UBXN8: variants seen among roughly 807,000 people sequenced by gnomAD.
The protein encoded by UBXN8 is UBX domain-containing protein 8.
In UBXN8, 27 loss-of-function variants were observed where a neutral mutation model predicts 32.1. That is an observed-to-expected ratio of 0.84 (90% CI 0.62 to 1.16). UBXN8 has a LOEUF of 1.16. Among genes scored for constraint, UBXN8 ranks in the 50% most tolerant of loss-of-function variants. UBXN8 has a pLI of 0.00. For missense variants in UBXN8, 306 were observed against 311.4 expected (o/e 0.98, Z 0.13); for synonymous variants, 109 against 111.8 (o/e 0.98, Z 0.16).
chr8:30,732,250 C>G (rs548473165), upstream of UBXN8: 28 of 394,740 alleles, frequency 7.1e-5, no homozygotes, highest in Admixed American at 9.7e-4. Flanking sequence ...CGTTGATGAC[C>G]TTTTGCTGGG....
chr8:30,757,534 A>G (rs1355995001), intron 5 of UBXN8, among the ~76,000 whole-genome samples: 2 of 151,512 alleles, frequency 1.3e-5, no homozygotes, highest in Non-Finnish European at 2.9e-5. Flanking sequence ...CCTGGACAAC[A>G]GTAGTGAAAC....
intron 1 of UBXN8, among the ~76,000 whole-genome samples, chr8:30,734,793 A>T (rs765141137): frequency 4.6e-5 from 7 of 152,028 alleles, no homozygotes; most frequent in Non-Finnish European, 1.0e-4. Context: ...AAAAATTAAA[A>T]ATTAGTCAGG....
In UBXN8 at chr8:30,759,018, C is replaced by T. The variant is rs576771911; in HGVS notation, c.529-1870C>T. Among the ~76,000 whole-genome samples, 19 of 150,858 alleles carry T rather than the reference C, an allele frequency of 1.3e-4. No homozygotes were observed. The South Asian group carries it at 2.9e-3, about 23-fold the overall frequency. ...ACGCCATTCTCCTGCCTCAGCCTCC[C>T]GGGTAGCTGGGACTACAGGTGCCCG... On this transcript the variant is annotated intron_variant, in intron 5 of 7. Coordinates refer to ENST00000265616, the MANE Select transcript of UBXN8 (RefSeq NM_005671.4).
Position 30,744,201 on chromosome 8 carries a change from T to G in UBXN8, c.12T>G (p.Arg4=), listed in dbSNP as rs922646372. The change falls in exon 1 of 8, where the codon CGT becomes CGG. Residue 4 remains arginine (R), a synonymous_variant. Coordinates refer to ENST00000265616, the MANE Select transcript of UBXN8 (RefSeq NM_005671.4). MAS[R]GVVGIFFLSA... is the part of the protein sequence containing the mutation. ...GCGCTTCCGCCACCATGGCTTCACG[T>G]GGGGTTGTTGGCATTTTCTTCCTCT... 1 of 1,613,516 alleles carries G rather than the reference T, an allele frequency of 6.2e-7. No homozygotes were observed. The highest frequency in any genetic ancestry group is 8.5e-7 in the Non-Finnish European group (1 of 1,179,742).
upstream of UBXN8, among the ~76,000 whole-genome samples, chr8:30,743,138 G>T (rs1384921649): frequency 6.8e-6 from 1 of 146,178 alleles, no homozygotes; most frequent in Non-Finnish European, 1.5e-5. Flanking sequence ...GCTTAGCCAG[G>T]AAATATAATT....
chr8:30,759,619 G>T (rs1805770357), intron 5 of UBXN8, among the ~76,000 whole-genome samples: 1 of 151,838 alleles, frequency 6.6e-6, no homozygotes, highest in South Asian at 2.1e-4. Context: ...GTTTCTGGCA[G>T]TCACCTAGGA....
intron 5 of UBXN8, among the ~76,000 whole-genome samples, chr8:30,760,439 A>ATATT (rs1554578893): frequency 1.6e-4 from 7 of 43,196 alleles, no homozygotes; most frequent in Non-Finnish European, 3.1e-4. Flanking sequence ...ATATATATAT[A>ATATT]TATATTTTTT....
chr8:30,739,951 G>C (rs114847362), upstream of UBXN8, among the ~76,000 whole-genome samples: 1 of 152,164 alleles, frequency 6.6e-6, no homozygotes, highest in South Asian at 2.1e-4. Flanking sequence ...GCCCAGGCTG[G>C]AGTGCAGTGT....
intron 3 of UBXN8, among the ~76,000 whole-genome samples, chr8:30,753,771 C>CTTTTTT (rs748807226): frequency 1.6e-5 from 2 of 122,630 alleles, no homozygotes; most frequent in African/African-American, 3.2e-5. Context: ...AGATATACCA[C>CTTTTTT]TTTTTTTTTT....
intron 5 of UBXN8, among the ~76,000 whole-genome samples, chr8:30,758,087 G>A (rs930223837): frequency 3.3e-5 from 5 of 151,764 alleles, no homozygotes; most frequent in Non-Finnish European, 7.4e-5. Flanking sequence ...TAGTAGAGAC[G>A]GGGTTTCACC....
intron 1 of UBXN8, among the ~76,000 whole-genome samples, chr8:30,744,955 C>T (rs1805326400): frequency 6.6e-6 from 1 of 152,130 alleles, no homozygotes; most frequent in Non-Finnish European, 1.5e-5. Context: ...ACACCAGGTG[C>T]TGGTTATTAT....
intron 1 of UBXN8, among the ~76,000 whole-genome samples, chr8:30,747,308 T>G (rs569842295): frequency 3.8e-3 from 14 of 3,664 alleles, no homozygotes; most frequent in Admixed American, 0.023. Flanking sequence ...CTCAGTGGTG[T>G]TTTTTTTTTT....
At chr8:30,742,527 T>A (rs546572642), upstream of UBXN8, among the ~76,000 whole-genome samples, 4 of 152,170 alleles carry the variant, frequency 2.6e-5, no homozygotes, top group South Asian at 6.2e-4. Context: ...TTTTTTTTTT[T>A]AGACAGGTTT....
At position 30,766,364 on chromosome 8, in the gene UBXN8, C is replaced by G; in HGVS notation, c.783C>G (p.Leu261=). 6.2e-7 allele frequency: 1 copy of G among 1,611,344 alleles called. No individual in the cohort carries two copies. ...EDIGITVDTV[L]ILEEKEQTN is the part of the protein sequence containing the mutation. ...TAGGAATAACTGTGGACACTGTACTCATCCTGGAGGAGAAGGAGCAGACCA... is the reference window on the plus strand; with the variant it reads ...TAGGAATAACTGTGGACACTGTACTGATCCTGGAGGAGAAGGAGCAGACCA... The change falls in exon 8 of 8, where the codon CTC becomes CTG. Residue 261 remains leucine, a synonymous_variant. Transcript: ENST00000265616.
rs747382935 is a variant in UBXN8 at position 30,760,907 on chromosome 8, A to G, written c.548A>G (p.Glu183Gly). 1.3e-6 allele frequency: 2 copies of G among 1,537,122 alleles called. No homozygotes were observed. The highest frequency in any genetic ancestry group is 4.4e-5 in the Admixed American group (2 of 45,484). Residue 183 changes from glutamate to glycine, a missense_variant, in exon 6 of 8, where the codon GAA (glutamate) becomes GGA (glycine). Coordinates refer to ENST00000265616, the MANE Select transcript of UBXN8 (RefSeq NM_005671.4). ...TCKEIPDLPEEPSQTAEEVVT... is the reference protein window; with the variant it reads ...TCKEIPDLPEGPSQTAEEVVT... ...CTTTAGATTCCTGATTTACCTGAAG[A>G]ACCTTCTCAAACAGCAGAAGAAGTA...
chr8:30,741,876 T>C (rs1003133225), upstream of UBXN8, among the ~76,000 whole-genome samples: 7 of 152,202 alleles, frequency 4.6e-5, no homozygotes, highest in African/African-American at 1.7e-4. Flanking sequence ...GTTTGGGAAA[T>C]GCTGGCTTCC....
chr8:30,747,658 G>C lies in UBXN8; in HGVS notation c.88+3381G>C, dbSNP rs751686476. Among the ~76,000 whole-genome samples, 8 of 140,246 alleles carry C rather than the reference G, an allele frequency of 5.7e-5. 2 individuals are homozygous for C. The highest frequency in any genetic ancestry group is 1.2e-4 in the Non-Finnish European group (8 of 65,196). 92.0% of individuals were successfully genotyped at this position (140,246 alleles called of 152,430 possible). ...ATACTCTAGATATTAAACTACTTTT[G>C]TATTGGCCAGAGATAAAATAGATTA... On this transcript the variant is annotated intron_variant, in intron 1 of 7. Coordinates refer to ENST00000265616, the MANE Select transcript of UBXN8 (RefSeq NM_005671.4).
Position 30,754,648 on chromosome 8 carries a change from TTTG to T in UBXN8, c.283-11_283-9del. 1 of 1,536,144 alleles carries T rather than the reference TTTG, an allele frequency of 6.5e-7. No individual in the cohort carries two copies. Among genetic ancestry groups the T allele is most frequent in the Non-Finnish European group, 8.7e-7 (1 of 1,153,094 alleles). ...ATTAATGGATAGTAACAACACCTAA[TTTG>T]TTGTTTTCAACAGGCCAGCAGATAC... On this transcript the variant is annotated splice_polypyrimidine_tract_variant and intron_variant, in intron 3 of 7. Transcript: ENST00000265616.
chr8:30,739,531 G>A (rs772321657), upstream of UBXN8, among the ~76,000 whole-genome samples: 64 of 152,122 alleles, frequency 4.2e-4, no homozygotes, highest in Admixed American at 9.8e-4. Flanking sequence ...GTGATAGAGC[G>A]AGACCCTGTC....
Sources: allele counts gnomAD v4.1 joint callset (sites outside exome capture counted in the v4.1 genomes callset), GRCh38; gene constraint gnomAD v4.1.1; transcripts MANE v1.5; gene names NCBI Gene and HGNC (gene_info 2026-07-23, HGNC 2026-07-21).